Variants in ASB18 observed in about 807,000 individuals in gnomAD.
The protein encoded by ASB18 is ankyrin repeat and SOCS box protein 18.
Under a neutral mutation model 33.4 loss-of-function variants are expected in ASB18, and 33 were observed. The observed-to-expected ratio is 0.99, with a 90% confidence interval of 0.75 to 1.32. The LOEUF (loss-of-function observed/expected upper bound fraction) is 1.32. ASB18 is among the 40% of genes most tolerant of loss of function. The pLI is 0.00. For synonymous variants in ASB18, 295 were observed against 307.6 expected (o/e 0.96, Z 0.43); for missense variants, 694 against 655.5 (o/e 1.06, Z -0.64).
chr2:236,199,785 T>C (rs911068344), intron 4 of ASB18, among the ~76,000 whole-genome samples: 20 of 139,222 alleles, frequency 1.4e-4, no homozygotes, highest in Non-Finnish European at 2.3e-4. Context: ...TGATAAAATT[T>C]GTTTTTTTTT....
Position 236,195,432 on chromosome 2 carries a change from G to A in ASB18, c.1216-375C>T, listed in dbSNP as rs767145284. On this transcript the variant is annotated intron_variant, in intron 5 of 5. Transcript: ENST00000409749. The surrounding 1 kb of genome is among the most constrained non-coding windows in gnomAD (Gnocchi z 5.5). ...TTCTGCCAGGGAGGGGCTCAGGAGC[G>A]AGTGCATGGCATTGGTCTGGTGGTC... Among the ~76,000 whole-genome samples, 5 of 152,106 alleles carry A rather than the reference G, an allele frequency of 3.3e-5. No homozygotes were observed. Among genetic ancestry groups the A allele is most frequent in the East Asian group, 1.9e-4 (1 of 5,188 alleles).
In ASB18 at chr2:236,256,931, A is replaced by T. The variant is rs1039680162; in HGVS notation, c.205+7210T>A. Among the ~76,000 whole-genome samples the T allele has an allele frequency of 6.6e-6, 1 of 152,148 alleles. No homozygotes were observed. Among genetic ancestry groups the T allele is most frequent in the Non-Finnish European group, 1.5e-5 (1 of 68,024 alleles). On this transcript the variant is annotated intron_variant, in intron 1 of 5. Coordinates refer to ENST00000409749, the MANE Select transcript of ASB18 (RefSeq NM_212556.4). The surrounding 1 kb of genome is among the most constrained non-coding windows in gnomAD (Gnocchi z 4.7). ...TGTGTCTCGTAGAAAGCAAAGAAAC[A>T]TTTTAATTCTAGGTGGTGGGAGATA... is the stretch of plus-strand genomic sequence containing the variant.
chr2:236,197,583 A>C (rs1033762654), intron 4 of ASB18, among the ~76,000 whole-genome samples: 3 of 152,002 alleles, frequency 2.0e-5, no homozygotes, highest in Non-Finnish European at 4.4e-5. Flanking sequence ...GCACTTTGGG[A>C]GGCTGAGGCA....
At position 236,252,267 on chromosome 2, in the gene ASB18, TCACACACACA is replaced by T. The variant is rs113672805; in HGVS notation, c.206-10875_206-10866del. 6.6e-3 allele frequency among the ~76,000 whole-genome samples: 919 copies of T among 138,656 alleles called. 13 individuals are homozygous for T. Among genetic ancestry groups the T allele is most frequent in the African/African-American group, 0.019 (720 of 38,872 alleles). 91.0% of individuals were successfully genotyped at this position (138,656 alleles called of 152,430 possible). A position where few individuals can be genotyped will look rare whatever the true frequency, so the allele number is the denominator to read the frequency against. On this transcript the variant is annotated intron_variant, in intron 1 of 5. Coordinates refer to ENST00000409749, the MANE Select transcript of ASB18 (RefSeq NM_212556.4). This position sits in a 1 kb window ranked among gnomAD's most constrained non-coding sequence, Gnocchi z 7.9. ...GCCTTGGCAACAGAGTGAGACTCCGTCACACACACACACACACACACACACACACACACAC... is the reference window on the plus strand; with the variant it reads ...GCCTTGGCAACAGAGTGAGACTCCGTCACACACACACACACACACACACAC...
At chr2:236,233,314 A>G (rs2060575473) in intron 3 of ASB18, among the ~76,000 whole-genome samples, 1 of 152,168 alleles carries the variant, frequency 6.6e-6, no homozygotes. Context: ...AATCTGCAAA[A>G]TTTTACAGCT....
In ASB18 at chr2:236,257,038, G is replaced by A. The variant is rs2060695817; in HGVS notation, c.205+7103C>T. ...CAACTATATTCAAAGATAATCTGAT[G>A]TTATTGTAGGAAAGTGTATTTCTAA... On this transcript the variant is annotated intron_variant, in intron 1 of 5. Transcript: ENST00000409749. The surrounding 1 kb of genome is among the most constrained non-coding windows in gnomAD (Gnocchi z 5.5). Among the ~76,000 whole-genome samples, 1 of 152,198 alleles carries A rather than the reference G, an allele frequency of 6.6e-6. No homozygotes were observed. Among genetic ancestry groups the A allele is most frequent in the Admixed American group, 6.5e-5 (1 of 15,284 alleles).
Position 236,196,407 on chromosome 2 carries a change from C to T in ASB18, c.1102-22G>A, listed in dbSNP as rs55818776. ...GCACCTGGTGGGAAGAGGTGAAAGACGCAGCGTAGGCCGACTGGGTTCTGG... is the reference window on the plus strand; with the variant it reads ...GCACCTGGTGGGAAGAGGTGAAAGATGCAGCGTAGGCCGACTGGGTTCTGG... On this transcript the variant is annotated intron_variant, in intron 4 of 5. Transcript: ENST00000409749. This position sits in a 1 kb window ranked among gnomAD's most constrained non-coding sequence, Gnocchi z 5.6. 0.22 allele frequency: 317,938 copies of T among 1,423,806 alleles called. 42,382 individuals are homozygous for T. Among genetic ancestry groups the T allele is most frequent in the African/African-American group, 0.62 (43,454 of 69,972 alleles). 88.2% of individuals were successfully genotyped at this position (1,423,806 alleles called of 1,614,324 possible).
In ASB18 at chr2:236,195,800, G is replaced by A. The variant is rs1281959501; in HGVS notation, c.1215+472C>T. On this transcript the variant is annotated intron_variant, in intron 5 of 5. Coordinates refer to ENST00000409749, the MANE Select transcript of ASB18 (RefSeq NM_212556.4). The surrounding 1 kb of genome is among the most constrained non-coding windows in gnomAD (Gnocchi z 5.5). ...CAAAGTGCTAGGATTACAGGCATGA[G>A]CCACCGCACCTGGCCTGTTCTCACT... Among the ~76,000 whole-genome samples, 3 of 152,098 alleles carry A rather than the reference G, an allele frequency of 2.0e-5. No individual in the cohort carries two copies. The East Asian group carries it at 5.8e-4, about 29-fold the overall frequency.
At chr2:236,243,540 G>C (rs1418003132) in intron 1 of ASB18, among the ~76,000 whole-genome samples, 2 of 152,054 alleles carry the variant, frequency 1.3e-5, no homozygotes, top group East Asian at 1.9e-4. Flanking sequence ...TTCCAGATAA[G>C]TGTCCCTGGG....
rs2106265130 is a variant in ASB18, at chr2:236,205,574, A to T, written c.1101+8788T>A. On this transcript the variant is annotated intron_variant, in intron 4 of 5. Coordinates refer to ENST00000409749, the MANE Select transcript of ASB18 (RefSeq NM_212556.4). The surrounding 1 kb of genome is among the most constrained non-coding windows in gnomAD (Gnocchi z 5.4). Reference sequence around the variant, plus strand: ...CCCCATTAGAATGTAAGCTCCACATAGGCAGGAATACTTCTTTCCCCTTAT... The same window carrying T: ...CCCCATTAGAATGTAAGCTCCACATTGGCAGGAATACTTCTTTCCCCTTAT... Among the ~76,000 whole-genome samples, 1 of 152,356 alleles carries T rather than the reference A, an allele frequency of 6.6e-6. No individual in the cohort carries two copies. Among genetic ancestry groups the T allele is most frequent in the Non-Finnish European group, 1.5e-5 (1 of 68,030 alleles).
chr2:236,243,407 GC>G (rs2060631129), intron 1 of ASB18, among the ~76,000 whole-genome samples: 1 of 151,782 alleles, frequency 6.6e-6, no homozygotes, highest in Admixed American at 6.6e-5. Flanking sequence ...GTGTCTTTTA[GC>G]TTTTTTTCCC....
Position 236,213,476 on chromosome 2 carries a change from T to C in ASB18, c.1101+886A>G, listed in dbSNP as rs2060468425. ...GTCTTATGTCTATGAGTGATGAGTCTTGGTTGATGGAGATAATTTTTAAAT... is the reference window on the plus strand; with the variant it reads ...GTCTTATGTCTATGAGTGATGAGTCCTGGTTGATGGAGATAATTTTTAAAT... On this transcript the variant is annotated intron_variant, in intron 4 of 5. Coordinates refer to ENST00000409749, the MANE Select transcript of ASB18 (RefSeq NM_212556.4). The surrounding 1 kb of genome is among the most constrained non-coding windows in gnomAD (Gnocchi z 4.8). Among the ~76,000 whole-genome samples the C allele has an allele frequency of 6.6e-6, 1 of 152,184 alleles. No homozygotes were observed. Among genetic ancestry groups the C allele is most frequent in the East Asian group, 1.9e-4 (1 of 5,206 alleles).
At position 236,235,277 on chromosome 2, in the gene ASB18, G is replaced by A. The variant is rs2060582952; in HGVS notation, c.596+2412C>T. Reference sequence around the variant, plus strand: ...TAGATACACAAATACTTCCCATTGTGTTACAATTCCCTACAGTATTCAGTA... The same window carrying A: ...TAGATACACAAATACTTCCCATTGTATTACAATTCCCTACAGTATTCAGTA... On this transcript the variant is annotated intron_variant, in intron 3 of 5. Coordinates refer to ENST00000409749, the MANE Select transcript of ASB18 (RefSeq NM_212556.4). The surrounding 1 kb of genome is among the most constrained non-coding windows in gnomAD (Gnocchi z 6.2). Among the ~76,000 whole-genome samples the A allele has an allele frequency of 6.6e-6, 1 of 152,196 alleles. No homozygotes were observed. Among genetic ancestry groups the A allele is most frequent in the Non-Finnish European group, 1.5e-5 (1 of 68,036 alleles).
chr2:236,210,263 C>A (rs1188668100), intron 4 of ASB18: 1 of 152,244 alleles, frequency 6.6e-6, no homozygotes, highest in African/African-American at 2.4e-5. Context: ...GGAAGCATAG[C>A]CGATGCCTAC....
rs752413081 is a variant in ASB18, at chr2:236,211,499, T to G, written c.1101+2863A>C. The stretch of plus-strand genomic sequence containing the variant: ...CTCGCTGTGAAACCTTTTGCCTCGG[T>G]AATTCTGCGCTCCATGGGTGTCTCT... On this transcript the variant is annotated intron_variant, in intron 4 of 5. Coordinates refer to ENST00000409749, the MANE Select transcript of ASB18 (RefSeq NM_212556.4). The surrounding 1 kb of genome is among the most constrained non-coding windows in gnomAD (Gnocchi z 5.0). 3.0e-4 allele frequency among the ~76,000 whole-genome samples: 45 copies of G among 152,374 alleles called. No homozygotes were observed. In the Middle Eastern group the frequency reaches 0.014, roughly 46 times the overall value.
rs371398377 is a variant in ASB18, at chr2:236,195,094, C to T, written c.1216-37G>A. On this transcript the variant is annotated intron_variant, in intron 5 of 5. Coordinates refer to ENST00000409749, the MANE Select transcript of ASB18 (RefSeq NM_212556.4). This position sits in a 1 kb window ranked among gnomAD's most constrained non-coding sequence, Gnocchi z 5.5. Reference sequence around the variant, plus strand: ...GGCAGGTGGATTAGAAATCTGGGCACGTGGAACCAACATACGTTTTCTTCT... The same window carrying T: ...GGCAGGTGGATTAGAAATCTGGGCATGTGGAACCAACATACGTTTTCTTCT... 2.9e-5 allele frequency: 46 copies of T among 1,577,466 alleles called. No homozygotes were observed. In the Admixed American group the frequency reaches 3.1e-4, roughly 11 times the overall value.
chr2:236,202,008 C>T (rs1403150300), intron 4 of ASB18, among the ~76,000 whole-genome samples: 3 of 151,600 alleles, frequency 2.0e-5, no homozygotes, highest in Non-Finnish European at 4.4e-5. Flanking sequence ...GGGGTGCAAT[C>T]ACGAGATCTT....
At chr2:236,202,794 A>AATATAT (rs35425799) in intron 4 of ASB18, among the ~76,000 whole-genome samples, 10 of 117,690 alleles carry the variant, frequency 8.5e-5, no homozygotes, top group Admixed American at 1.7e-4. Flanking sequence ...AAAAAAAAAA[A>AATATAT]ATATATATAT....
intron 4 of ASB18, among the ~76,000 whole-genome samples, chr2:236,198,723 T>C (rs2060385768): frequency 6.6e-6 from 1 of 152,242 alleles, no homozygotes; most frequent in Admixed American, 6.5e-5. Context: ...CCTTTGTGAA[T>C]TGCTCAATTA....
Sources: gnomAD v4.1 joint callset for allele counts (sites outside exome capture counted in the v4.1 genomes callset) on GRCh38, gnomAD v4.1.1 for gene constraint, Gnocchi (gnomAD v3.1) non-coding constraint, MANE v1.5 for transcripts, NCBI Gene and HGNC (gene_info 2026-07-23, HGNC 2026-07-21) for gene names.